Variants in ZC3H12B observed in about 807,000 individuals in gnomAD.
ZC3H12B encodes zinc finger CCCH-type containing 12B, also known as probable ribonuclease ZC3H12B.
A neutral mutation model predicts 43.9 loss-of-function variants in ZC3H12B; 7 were observed. That is an observed-to-expected ratio of 0.16 (90% confidence interval 0.09 to 0.30). The LOEUF is 0.30. Among genes scored for constraint, ZC3H12B ranks in the 10% least tolerant of loss-of-function variants. The probability of loss-of-function intolerance (pLI) is 1.00; values close to 1 mark genes in which losing one functional copy is unlikely to be tolerated. For synonymous variants in ZC3H12B, 222 were observed against 241.7 expected (o/e 0.92, Z 0.76); for missense variants, 475 against 670.2 (o/e 0.71, Z 3.22).
At chrX:65,177,328 AC>A in the ZC3H12B span, among the ~76,000 whole-genome samples, 2 of 112,059 alleles carry the variant, frequency 1.8e-5, no homozygotes, top group South Asian at 7.5e-4. Context: ...ATCATACTGA[AC>A]GGGCAAAAGC....
chrX:65,450,070 G>A (rs755059311), intron 3 of ZC3H12B, among the ~76,000 whole-genome samples: 2 of 108,905 alleles, frequency 1.8e-5, no homozygotes, highest in African/African-American at 6.7e-5. Flanking sequence ...ACTTTGGGAG[G>A]CTGAGGAGGG....
chrX:65,367,589 C>A (rs2066190398), intron 1 of ZC3H12B, among the ~76,000 whole-genome samples: 1 of 110,444 alleles, frequency 9.1e-6, no homozygotes, highest in Admixed American at 9.6e-5. Flanking sequence ...TTTTTTTTTA[C>A]CTATCCAGTA....
chrX:65,303,920 A>G, the ZC3H12B span, among the ~76,000 whole-genome samples: 12 of 112,437 alleles, frequency 1.1e-4, no homozygotes, highest in Non-Finnish European at 1.9e-5. Context: ...GATCTGTAAT[A>G]CTCTTGGATT....
chrX:65,236,663 G>A, the ZC3H12B span, among the ~76,000 whole-genome samples: 1 of 111,618 alleles, frequency 9.0e-6, no homozygotes, highest in East Asian at 2.8e-4. Flanking sequence ...TTTTCTTCTG[G>A]ATTTTTATAG....
the ZC3H12B span, among the ~76,000 whole-genome samples, chrX:65,297,721 G>A: frequency 2.3e-4 from 26 of 111,466 alleles, no homozygotes; most frequent in African/African-American, 8.1e-4. Flanking sequence ...AAATCTGGAG[G>A]CATCGCATTA....
the ZC3H12B span, chrX:65,328,428 T>A: frequency 3.9e-6 from 1 of 259,205 alleles, no homozygotes; most frequent in Non-Finnish European, 7.6e-6. Flanking sequence ...TTTTTGCTGG[T>A]AATTAAGTCC....
the ZC3H12B span, among the ~76,000 whole-genome samples, chrX:65,201,622 C>T: frequency 1.1e-5 from 1 of 94,377 alleles, no homozygotes; most frequent in Non-Finnish European, 2.1e-5. Context: ...ATTTTGAATT[C>T]TCTGTCTGAA....
intron 2 of ZC3H12B, among the ~76,000 whole-genome samples, chrX:65,387,555 C>T (rs2066546148): frequency 8.9e-6 from 1 of 111,988 alleles, no homozygotes; most frequent in African/African-American, 3.2e-5. Context: ...AGATGGGTTT[C>T]CTGAATACAG....
chrX:65,411,903 TTAAAA>T (rs764863481), intron 3 of ZC3H12B, among the ~76,000 whole-genome samples: 155 of 107,265 alleles, frequency 1.4e-3, no homozygotes, highest in South Asian at 2.4e-3. Flanking sequence ...CCACAAAAAT[TTAAAA>T]TAAAATAAAA....
At chrX:65,492,747 C>G (rs1017562231) in intron 1 of ZC3H12B, among the ~76,000 whole-genome samples, 4 of 111,748 alleles carry the variant, frequency 3.6e-5, no homozygotes, top group African/African-American at 1.3e-4. Flanking sequence ...ATTGGTATTT[C>G]TTAGACAAAC....
At chrX:65,192,262 A>G in the ZC3H12B span, among the ~76,000 whole-genome samples, 2 of 111,631 alleles carry the variant, frequency 1.8e-5, no homozygotes, top group Non-Finnish European at 3.8e-5. Flanking sequence ...TGGTGCTGAA[A>G]AAAATGTATA....
chrX:65,449,920 G>A (rs1288246717), intron 3 of ZC3H12B, among the ~76,000 whole-genome samples: 1 of 111,287 alleles, frequency 9.0e-6, no homozygotes, highest in Non-Finnish European at 1.9e-5. Flanking sequence ...CTACTCAGGT[G>A]ATCAGTGTGC....
At position 65,374,044 on chromosome X, in the gene ZC3H12B, A is replaced by T. The variant is rs189724914; in HGVS notation, n.295+5046A>T. On this transcript the variant is annotated intron_variant and non_coding_transcript_variant, in intron 2 of 5. Transcript: ENST00000617377. ...ACAGTATATATATAACTATATATAC[A>T]GTATATATAACTATATATATACAGT... Among the ~76,000 whole-genome samples, 156 of 59,138 alleles carry T rather than the reference A, an allele frequency of 2.6e-3. 2 individuals are homozygous for T. The highest frequency in any genetic ancestry group is 9.8e-3 in the African/African-American group (136 of 13,852). The allele number at this position is 59,138 out of a possible 115,157, so 51.4% of individuals were successfully genotyped here. A position where few individuals can be genotyped will look rare whatever the true frequency, so the allele number is the denominator to read the frequency against.
chrX:65,125,450 T>C, the ZC3H12B span, among the ~76,000 whole-genome samples: 1 of 111,508 alleles, frequency 9.0e-6, no homozygotes, highest in Non-Finnish European at 1.9e-5. Context: ...ATGAATAGAA[T>C]GTATATTTGG....
At chrX:65,207,023 A>T in the ZC3H12B span, among the ~76,000 whole-genome samples, 2 of 109,571 alleles carry the variant, frequency 1.8e-5, no homozygotes, top group African/African-American at 6.6e-5. Flanking sequence ...ATTGGTGTGG[A>T]TGTGGTGAAA....
chrX:65,240,499 T>C, the ZC3H12B span, among the ~76,000 whole-genome samples: 3 of 111,726 alleles, frequency 2.7e-5, no homozygotes, highest in Non-Finnish European at 5.6e-5. Flanking sequence ...TGTTTTTGCA[T>C]TGGGCTAGAA....
At chrX:65,458,830 G>A (rs1203234637) in intron 3 of ZC3H12B, among the ~76,000 whole-genome samples, 1 of 111,341 alleles carries the variant, frequency 9.0e-6, no homozygotes, top group African/African-American at 3.3e-5. Context: ...GCATTCAAAA[G>A]CTAGCAGAAG....
At chrX:65,471,978 T>TC (rs1325502210) in intron 3 of ZC3H12B, among the ~76,000 whole-genome samples, 1 of 112,040 alleles carries the variant, frequency 8.9e-6, no homozygotes, top group Non-Finnish European at 1.9e-5. Flanking sequence ...ATTTTAGAAC[T>TC]CCTTTAGCAT....
chrX:65,412,041 G>A (rs1031050903), intron 3 of ZC3H12B, among the ~76,000 whole-genome samples: 1 of 111,020 alleles, frequency 9.0e-6, no homozygotes, highest in Non-Finnish European at 1.9e-5. Context: ...AAATTCAGTG[G>A]CATTTAATGT....
Sources: allele counts gnomAD v4.1 joint callset (sites outside exome capture counted in the v4.1 genomes callset), GRCh38; gene constraint gnomAD v4.1.1; transcripts MANE v1.5; gene names NCBI Gene and HGNC (gene_info 2026-07-23, HGNC 2026-07-21).